The following ANK3 variants were observed in gnomAD, a reference collection of about 807,000 sequenced individuals.
The protein encoded by ANK3 is ankyrin 3.
In ANK3, 57 loss-of-function variants were observed where a neutral mutation model predicts 370.9. The ratio of observed to expected loss-of-function variants is 0.15; its 90% CI spans 0.12 to 0.19. The LOEUF is 0.19. Among genes scored for constraint, ANK3 ranks in the 10% least tolerant of loss-of-function variants. The probability of loss-of-function intolerance (pLI) is 1.00; values close to 1 mark genes in which losing one functional copy is unlikely to be tolerated. For missense variants in ANK3, 4,439 were observed against 5,302.1 expected, an observed-to-expected ratio of 0.84 and a Z score of 5.06; for synonymous variants, 1,929 against 1,946.3, an observed-to-expected ratio of 0.99 and a Z score of 0.23.
intron 25 of ANK3, among the ~76,000 whole-genome samples, chr10:60,128,269 C>T (rs1016583168): frequency 6.6e-6 from 1 of 152,074 alleles, no homozygotes; most frequent in African/African-American, 2.4e-5. Flanking sequence ...GTAGAGTGTT[C>T]AGGATAAAAT....
At chr10:60,568,582 T>C (rs757047223) in intron 2 of ANK3, among the ~76,000 whole-genome samples, 2 of 152,174 alleles carry the variant, frequency 1.3e-5, no homozygotes, top group Non-Finnish European at 1.5e-5. Context: ...TAGCCAGTAA[T>C]TGAAGGCTCT....
intron 1 of ANK3, among the ~76,000 whole-genome samples, chr10:60,629,395 T>C (rs1029661181): frequency 6.6e-6 from 1 of 152,224 alleles, no homozygotes; most frequent in Non-Finnish European, 1.5e-5. Context: ...CTGTTGAAGT[T>C]AGCTATCAAA....
intron 1 of ANK3, among the ~76,000 whole-genome samples, chr10:60,357,736 TA>T: frequency 6.6e-6 from 1 of 152,318 alleles, no homozygotes; most frequent in South Asian, 2.1e-4. Flanking sequence ...CTCCATTCTT[TA>T]AACCCTCTTC....
At position 60,166,758 on chromosome 10, in the gene ANK3, C is replaced by T. The variant is rs1258206859; in HGVS notation, c.2551+66G>A. On this transcript the variant is annotated intron_variant, in intron 22 of 43. Transcript: ENST00000280772. ...GATAAACATTTTTGCAATGGACTTT[C>T]TTCAGGAAACAAACAAAATACACAG... 8.8e-6 allele frequency: 14 copies of T among 1,592,350 alleles called. 1 individual carries two copies. The South Asian group carries it at 1.5e-4, about 18-fold the overall frequency.
intron 1 of ANK3, among the ~76,000 whole-genome samples, chr10:60,616,963 T>A (rs2078275932): frequency 6.6e-6 from 1 of 152,174 alleles, no homozygotes; most frequent in Non-Finnish European, 1.5e-5. Flanking sequence ...TTACAATCTA[T>A]TGCAGTTCTT....
At chr10:60,387,226 C>G (rs1399313828) in intron 1 of ANK3, among the ~76,000 whole-genome samples, 1 of 151,928 alleles carries the variant, frequency 6.6e-6, no homozygotes, top group East Asian at 1.9e-4. Context: ...CATAATAACC[C>G]ACAAAATATT....
chr10:60,698,423 A>T (rs1267463182), intron 1 of ANK3, among the ~76,000 whole-genome samples: 2 of 151,806 alleles, frequency 1.3e-5, no homozygotes, highest in African/African-American at 4.9e-5. Context: ...AAGGACTAGA[A>T]ATCATGGTTC....
intron 1 of ANK3, among the ~76,000 whole-genome samples, chr10:60,340,901 A>G (rs1449963489): frequency 2.6e-5 from 4 of 152,098 alleles, no homozygotes; most frequent in Admixed American, 1.3e-4. Context: ...TATCGTAACC[A>G]TTTTACTGAT....
At chr10:60,718,470 C>T (rs558675477) in intron 1 of ANK3, among the ~76,000 whole-genome samples, 8 of 151,718 alleles carry the variant, frequency 5.3e-5, no homozygotes, top group Non-Finnish European at 1.0e-4. Flanking sequence ...AATTTACTCA[C>T]CTGAAATTAA....
chr10:60,681,611 T>C (rs1407576253), intron 1 of ANK3, among the ~76,000 whole-genome samples: 1 of 152,210 alleles, frequency 6.6e-6, no homozygotes, highest in Non-Finnish European at 1.5e-5. Flanking sequence ...CTTCCAGTAG[T>C]ATCCTATGTG....
intron 2 of ANK3, among the ~76,000 whole-genome samples, chr10:60,424,624 C>T (rs978948033): frequency 2.0e-5 from 3 of 152,018 alleles, no homozygotes; most frequent in East Asian, 1.9e-4. Context: ...CTGGAATAGA[C>T]AGAAATTAAA....
chr10:60,043,887 A>G (rs1221904945), intron 42 of ANK3: 1 of 984,986 alleles, frequency 1.0e-6, no homozygotes, highest in African/African-American at 1.7e-5. Flanking sequence ...TAAAAAAAAA[A>G]AGTATGTAAC....
chr10:60,068,958 T>TAGTGGTGGTAGTGGTGGTGGTGGTGGC lies in ANK3; in HGVS notation c.11896_11922dup (p.Ala3966_Thr3974dup). 1 of 1,613,558 alleles carries TAGTGGTGGTAGTGGTGGTGGTGGTGGC rather than the reference T, an allele frequency of 6.2e-7. No homozygotes were observed. Among genetic ancestry groups the TAGTGGTGGTAGTGGTGGTGGTGGTGGC allele is most frequent in the Admixed American group, 1.7e-5 (1 of 59,960 alleles). ...TTAACTGTGCAGCTGGTGGTGGTGG[T>TAGTGGTGGTAGTGGTGGTGGTGGTGGC]AGTGGTGGTAGTGGTGGTGGTGGTG... is the stretch of plus-strand genomic sequence containing the variant. On this transcript the variant is annotated inframe_insertion, in exon 37 of 44. Transcript: ENST00000280772.
intron 1 of ANK3, among the ~76,000 whole-genome samples, chr10:60,730,858 C>A (rs2080012515): frequency 6.6e-6 from 1 of 152,142 alleles, no homozygotes; most frequent in Non-Finnish European, 1.5e-5. Context: ...GCTAAACATT[C>A]CAATTAAAAT....
chr10:60,604,720 G>C (rs1229486194), intron 2 of ANK3, among the ~76,000 whole-genome samples: 1 of 152,182 alleles, frequency 6.6e-6, no homozygotes, highest in African/African-American at 2.4e-5. Flanking sequence ...AACCAAAGAT[G>C]TGGAAGGAAT....
chr10:60,104,107 C>T (rs1463528552), intron 28 of ANK3, among the ~76,000 whole-genome samples: 2 of 151,782 alleles, frequency 1.3e-5, no homozygotes, highest in Admixed American at 1.3e-4. Context: ...GTGAGAGGAT[C>T]ACAAAAAGTA....
At position 60,055,694 on chromosome 10, in the gene ANK3, G is replaced by C. The variant is rs770130082; in HGVS notation, c.13029C>G (p.Leu4343=). 5.6e-6 allele frequency: 9 copies of C among 1,613,144 alleles called. No homozygotes were observed. The highest frequency in any genetic ancestry group is 7.6e-6 in the Non-Finnish European group (9 of 1,179,770). The change falls in exon 42 of 44, where the codon CTC becomes CTG. Residue 4343 remains leucine, a synonymous_variant. Transcript: ENST00000280772. ...ACCCACTGGACCCCTCTTCTTCATG[G>C]AGGCTAAGCCTTGGCTTGCCATCTG... The part of the protein sequence containing the change: ...SPADGKPRLS[L]HEEEGSSGSE...
At chr10:60,578,964 C>G (rs1474066879) in intron 2 of ANK3, among the ~76,000 whole-genome samples, 2 of 151,944 alleles carry the variant, frequency 1.3e-5, no homozygotes, top group African/African-American at 2.4e-5. Flanking sequence ...TTTGGTTTTG[C>G]TTAATAATTG....
intron 2 of ANK3, among the ~76,000 whole-genome samples, chr10:60,447,852 C>T (rs112832889): frequency 2.0e-5 from 3 of 152,210 alleles, no homozygotes; most frequent in African/African-American, 7.2e-5. Flanking sequence ...GTGTCACTTA[C>T]CTAAAAATTA....
Sources: gnomAD v4.1 joint callset for allele counts (sites outside exome capture counted in the v4.1 genomes callset) on GRCh38, gnomAD v4.1.1 for gene constraint, MANE v1.5 for transcripts, NCBI Gene and HGNC (gene_info 2026-07-23, HGNC 2026-07-21) for gene names.